The following AK5 variants were observed in gnomAD, a reference collection of about 807,000 sequenced individuals.
The protein encoded by AK5 is adenylate kinase 5, also known as adenylate kinase isoenzyme 5.
A neutral mutation model predicts 69.5 loss-of-function variants in AK5; 27 were observed. The observed-to-expected ratio is 0.39, with a 90% CI of 0.29 to 0.54. The LOEUF (loss-of-function observed/expected upper bound fraction) is 0.54, where lower values mean the gene tolerates loss of function less well. Among genes scored for constraint, AK5 ranks in the 20% least tolerant of loss-of-function variants. AK5 has a pLI of 0.71. For synonymous variants in AK5, 260 were observed against 244.4 expected (o/e 1.06, Z -0.60); for missense variants, 531 against 700.4 (o/e 0.76, Z 2.73).
At chr1:77,341,688 T>C (rs903847466) in intron 6 of AK5, among the ~76,000 whole-genome samples, 1 of 152,224 alleles carries the variant, frequency 6.6e-6, no homozygotes, top group Non-Finnish European at 1.5e-5. Context: ...GCAATCTTTT[T>C]AGCACCATAA....
In AK5 at chr1:77,367,571, A is replaced by AAT. The variant is rs1557532641; in HGVS notation, c.891+27003_891+27004insAT. 5.7e-4 allele frequency among the ~76,000 whole-genome samples: 9 copies of AAT among 15,772 alleles called. 2 individuals are homozygous for AAT. The East Asian group carries it at 6.3e-3, about 11-fold the overall frequency. 10.3% of individuals were successfully genotyped at this position (15,772 alleles called of 152,430 possible). A position where few individuals can be genotyped will look rare whatever the true frequency, so the allele number is the denominator to read the frequency against. On this transcript the variant is annotated intron_variant, in intron 6 of 13. Transcript: ENST00000354567. The stretch of plus-strand genomic sequence containing the variant: ...TTATGTTATTTTTATATATATATAT[A>AAT]TATATATAATATATATGTTATATAT...
intron 2 of AK5, among the ~76,000 whole-genome samples, chr1:77,293,254 G>A (rs774829325): frequency 8.6e-5 from 13 of 152,030 alleles, no homozygotes; most frequent in African/African-American, 2.4e-4. Flanking sequence ...TTTCTGGGTC[G>A]TAGAAAGCAG....
chr1:77,516,291 A>G (rs1371198231), intron 10 of AK5, among the ~76,000 whole-genome samples: 1 of 152,164 alleles, frequency 6.6e-6, no homozygotes, highest in East Asian at 1.9e-4. Context: ...GATTGTAAGA[A>G]TGGTGGTTGC....
chr1:77,557,814 A>G (rs1660187953), intron 13 of AK5, among the ~76,000 whole-genome samples: 1 of 152,178 alleles, frequency 6.6e-6, no homozygotes, highest in Admixed American at 6.5e-5. Flanking sequence ...GAGAAGTCTT[A>G]GCTTCACTGC....
intron 10 of AK5, among the ~76,000 whole-genome samples, chr1:77,505,399 A>C (rs1465072721): frequency 6.6e-6 from 1 of 152,354 alleles, no homozygotes; most frequent in South Asian, 2.1e-4. Context: ...AAAGAAAACC[A>C]AACTAGAAAA....
chr1:77,483,228 G>A (rs532998551), intron 8 of AK5, 89 bp from the exon 9 acceptor site: 8 of 901,242 alleles, frequency 8.9e-6, no homozygotes, highest in African/African-American at 8.2e-5. Context: ...TCTTACAGTT[G>A]TTAGGAAGTT....
At chr1:77,360,010 T>C (rs1171223777) in intron 6 of AK5, among the ~76,000 whole-genome samples, 1 of 151,956 alleles carries the variant, frequency 6.6e-6, no homozygotes, top group Admixed American at 6.6e-5. Context: ...CAGAAGAAGA[T>C]GAAGAATAAC....
At chr1:77,464,360 G>A (rs1382438070) in intron 8 of AK5, among the ~76,000 whole-genome samples, 2 of 152,168 alleles carry the variant, frequency 1.3e-5, no homozygotes, top group African/African-American at 2.4e-5. Context: ...TGCGCAGGCC[G>A]GTTGGAGTTT....
chr1:77,490,862 T>A (rs764061017), intron 10 of AK5, among the ~76,000 whole-genome samples: 1 of 152,090 alleles, frequency 6.6e-6, no homozygotes, highest in Non-Finnish European at 1.5e-5. Context: ...CTTCTCCATT[T>A]TTCATTGCCT....
At chr1:77,321,605 C>T (rs1200180888) in intron 5 of AK5, among the ~76,000 whole-genome samples, 2 of 152,146 alleles carry the variant, frequency 1.3e-5, no homozygotes, top group East Asian at 1.9e-4. Flanking sequence ...AGGGAATTCT[C>T]CTCTAATAGG....
At chr1:77,290,381 A>G (rs1658620008) in intron 2 of AK5, among the ~76,000 whole-genome samples, 1 of 152,218 alleles carries the variant, frequency 6.6e-6, no homozygotes, top group South Asian at 2.1e-4. Context: ...ATGATTTTTG[A>G]AAAAATATTG....
At chr1:77,334,752 A>T (rs1570397811) in intron 5 of AK5, among the ~76,000 whole-genome samples, 1 of 152,274 alleles carries the variant, frequency 6.6e-6, no homozygotes, top group Non-Finnish European at 1.5e-5. Context: ...AAATTTAGTT[A>T]TCTAAGGGTG....
chr1:77,503,681 C>A (rs1197719148), intron 10 of AK5, among the ~76,000 whole-genome samples: 2 of 152,090 alleles, frequency 1.3e-5, no homozygotes, highest in Non-Finnish European at 2.9e-5. Context: ...GCAGACGGAT[C>A]ACCTGAGGTC....
intron 8 of AK5, among the ~76,000 whole-genome samples, chr1:77,463,383 C>T (rs897228031): frequency 6.6e-6 from 1 of 152,146 alleles, no homozygotes; most frequent in African/African-American, 2.4e-5. Context: ...ACATACTGAA[C>T]ATCTACTAAA....
chr1:77,373,272 T>G (rs892199880), intron 6 of AK5, among the ~76,000 whole-genome samples: 1 of 152,210 alleles, frequency 6.6e-6, no homozygotes, highest in Non-Finnish European at 1.5e-5. Context: ...TAGATGCCAT[T>G]TAGTGTAACC....
At chr1:77,327,390 C>A (rs1164854131) in intron 5 of AK5, among the ~76,000 whole-genome samples, 102 of 128,892 alleles carry the variant, frequency 7.9e-4, no homozygotes, top group Middle Eastern at 4.1e-3. Context: ...GATCCTGTCT[C>A]AAAAAAAAAA....
At chr1:77,295,502 TA>T (rs1275737842) in intron 3 of AK5, among the ~76,000 whole-genome samples, 1 of 152,222 alleles carries the variant, frequency 6.6e-6, no homozygotes, top group African/African-American at 2.4e-5. Context: ...TGTTACGCCA[TA>T]AACCTCTATT....
chr1:77,392,997 A>G (rs2100530970), intron 6 of AK5, among the ~76,000 whole-genome samples: 1 of 152,176 alleles, frequency 6.6e-6, no homozygotes, highest in East Asian at 1.9e-4. Flanking sequence ...CGGTGATGTG[A>G]TCACAGCTCA....
At chr1:77,476,123 A>G (rs1158787498) in intron 8 of AK5, among the ~76,000 whole-genome samples, 1 of 152,196 alleles carries the variant, frequency 6.6e-6, no homozygotes, top group Admixed American at 6.5e-5. Flanking sequence ...TTAGCCTAGC[A>G]TCTACCACAT....
Sources: gnomAD v4.1 joint callset for allele counts (sites outside exome capture counted in the v4.1 genomes callset) on GRCh38, gnomAD v4.1.1 for gene constraint, MANE v1.5 for transcripts, NCBI Gene and HGNC (gene_info 2026-07-23, HGNC 2026-07-21) for gene names.